Variants in NEDD4L observed in about 807,000 individuals in gnomAD.
The protein encoded by NEDD4L is E3 ubiquitin-protein ligase NEDD4-like.
A neutral mutation model predicts 148.9 loss-of-function variants in NEDD4L; 54 were observed. The ratio of observed to expected loss-of-function variants is 0.36; its 90% CI spans 0.29 to 0.45. NEDD4L has a LOEUF of 0.45. NEDD4L is among the 20% of genes least tolerant of loss of function. The probability of loss-of-function intolerance (pLI) is 1.00; values close to 1 mark genes in which losing one functional copy is unlikely to be tolerated. For synonymous variants in NEDD4L, 433 were observed against 440.7 expected, an observed-to-expected ratio of 0.98 and a Z score of 0.22; for missense variants, 856 against 1,233.8, an observed-to-expected ratio of 0.69 and a Z score of 4.59.
chr18:58,112,523 C>T (rs946640049), intron 1 of NEDD4L, among the ~76,000 whole-genome samples: 4 of 152,090 alleles, frequency 2.6e-5, no homozygotes, highest in African/African-American at 9.7e-5. Context: ...GAGTCTCACT[C>T]TGATGCCTAG....
intron 1 of NEDD4L, among the ~76,000 whole-genome samples, chr18:58,068,064 A>G (rs1230966534): frequency 6.6e-6 from 1 of 152,006 alleles, no homozygotes; most frequent in Admixed American, 6.6e-5. Flanking sequence ...GGCTCAAGCA[A>G]TCCTCCTTCC....
intron 2 of NEDD4L, among the ~76,000 whole-genome samples, chr18:58,235,250 G>A (rs2045868339): frequency 6.6e-6 from 1 of 152,126 alleles, no homozygotes; most frequent in East Asian, 1.9e-4. Context: ...ACCCTGTGAG[G>A]CCCACTCTCG....
intron 5 of NEDD4L, among the ~76,000 whole-genome samples, chr18:58,277,707 G>A (rs2052351094): frequency 6.6e-6 from 1 of 152,090 alleles, no homozygotes; most frequent in Non-Finnish European, 1.5e-5. Context: ...TACCACCTGT[G>A]AAGATACTGT....
intron 1 of NEDD4L, among the ~76,000 whole-genome samples, chr18:58,115,438 C>T (rs2085757142): frequency 6.6e-6 from 1 of 152,034 alleles, no homozygotes; most frequent in Non-Finnish European, 1.5e-5. Flanking sequence ...AGGTTAGTTG[C>T]ATTTTCCTCA....
chr18:58,157,614 G>A (rs1473841164), intron 1 of NEDD4L, among the ~76,000 whole-genome samples: 4 of 151,862 alleles, frequency 2.6e-5, no homozygotes, highest in East Asian at 3.9e-4. Flanking sequence ...TTCTGAAGTA[G>A]CCTTGGTTTC....
chr18:58,387,535 T>A, intron 27 of NEDD4L, 37 bp downstream of exon 27: 1 of 1,483,634 alleles, frequency 6.7e-7, no homozygotes, highest in South Asian at 1.3e-5. Context: ...TAAAGTGGAT[T>A]TTTTAAAGTA....
At chr18:58,361,813 TA>T (rs2045525059) in intron 19 of NEDD4L, among the ~76,000 whole-genome samples, 2 of 152,310 alleles carry the variant, frequency 1.3e-5, no homozygotes, top group African/African-American at 4.8e-5. Context: ...AGACCTATTT[TA>T]CAAGCTAACT....
At chr18:58,207,392 T>A (rs1171685910) in intron 2 of NEDD4L, among the ~76,000 whole-genome samples, 2 of 152,060 alleles carry the variant, frequency 1.3e-5, no homozygotes, top group African/African-American at 4.8e-5. Flanking sequence ...CTCTCCTACT[T>A]ACAGTTCTGG....
At chr18:58,156,997 A>G (rs565729596) in intron 1 of NEDD4L, among the ~76,000 whole-genome samples, 2 of 151,134 alleles carry the variant, frequency 1.3e-5, no homozygotes, top group South Asian at 4.2e-4. Flanking sequence ...CTTGGGCAAC[A>G]TGGGGAAATC....
intron 2 of NEDD4L, among the ~76,000 whole-genome samples, chr18:58,171,915 T>C (rs780585681): frequency 1.8e-4 from 28 of 152,288 alleles, no homozygotes; most frequent in Non-Finnish European, 2.5e-4. Context: ...GTCAATGAGA[T>C]GGCAGGCAAG....
intron 1 of NEDD4L, among the ~76,000 whole-genome samples, chr18:58,125,480 C>T (rs1348594216): frequency 2.6e-5 from 4 of 151,984 alleles, no homozygotes; most frequent in Non-Finnish European, 4.4e-5. Flanking sequence ...ATAGTCAGAG[C>T]GATGTGTTCA....
At chr18:58,097,255 G>T (rs143240488) in intron 1 of NEDD4L, among the ~76,000 whole-genome samples, 47 of 152,334 alleles carry the variant, frequency 3.1e-4, no homozygotes, top group African/African-American at 1.1e-3. Flanking sequence ...CATGCCAAGT[G>T]CTGTTAAGAA....
chr18:58,109,579 T>TG (rs1568228535), intron 1 of NEDD4L, among the ~76,000 whole-genome samples: 10 of 148,150 alleles, frequency 6.7e-5, no homozygotes, highest in African/African-American at 1.7e-4. Flanking sequence ...TTTGTTTTTT[T>TG]TTTTTTTTTT....
intron 2 of NEDD4L, among the ~76,000 whole-genome samples, chr18:58,228,086 C>T (rs754466521): frequency 2.0e-5 from 3 of 152,166 alleles, no homozygotes; most frequent in Non-Finnish European, 2.9e-5. Context: ...CAGCCATTAC[C>T]CCCATGTCCC....
intron 5 of NEDD4L, among the ~76,000 whole-genome samples, chr18:58,286,696 G>A (rs1026262229): frequency 2.6e-5 from 4 of 152,160 alleles, no homozygotes; most frequent in African/African-American, 9.7e-5. Flanking sequence ...TGTCAAACTG[G>A]TAGCTGATCC....
intron 1 of NEDD4L, among the ~76,000 whole-genome samples, chr18:58,090,135 G>T (rs1412139072): frequency 6.6e-6 from 1 of 152,162 alleles, no homozygotes; most frequent in East Asian, 1.9e-4. Flanking sequence ...ACCATGCCCA[G>T]CCCAAACTTC....
At chr18:58,072,382 C>T (rs540259938) in intron 1 of NEDD4L, among the ~76,000 whole-genome samples, 5 of 152,200 alleles carry the variant, frequency 3.3e-5, no homozygotes, top group African/African-American at 4.8e-5. Context: ...GATTGTACAC[C>T]GTGACAAAGT....
chr18:58,198,435 C>A (rs1036613665), intron 2 of NEDD4L, among the ~76,000 whole-genome samples: 1 of 152,122 alleles, frequency 6.6e-6, no homozygotes, highest in Non-Finnish European at 1.5e-5. Context: ...ATCTTTTCTA[C>A]TCCCTGGCCC....
At chr18:58,301,702 A>T (rs1291028493) in intron 5 of NEDD4L, among the ~76,000 whole-genome samples, 2 of 152,160 alleles carry the variant, frequency 1.3e-5, no homozygotes, top group Non-Finnish European at 2.9e-5. Context: ...TGTTTTTTCA[A>T]GCTGTTGTCT....
Sources: gnomAD v4.1 joint callset for allele counts (sites outside exome capture counted in the v4.1 genomes callset) on GRCh38, gnomAD v4.1.1 for gene constraint, MANE v1.5 for transcripts, NCBI Gene and HGNC (gene_info 2026-07-23, HGNC 2026-07-21) for gene names.